Variants in HSD17B11 observed in about 807,000 individuals in gnomAD.
The protein encoded by HSD17B11 is hydroxysteroid 17-beta dehydrogenase 11.
A neutral mutation model predicts 27.8 loss-of-function variants in HSD17B11; 22 were observed. The ratio of observed to expected loss-of-function variants is 0.79; its 90% CI spans 0.56 to 1.13. The LOEUF (loss-of-function observed/expected upper bound fraction) is 1.13. Ranked by LOEUF, HSD17B11 falls within the 50% of genes most tolerant of loss-of-function variation. The pLI, the probability that HSD17B11 is intolerant of heterozygous loss-of-function variation, is 0.00. For missense variants in HSD17B11, 314 were observed against 351.1 expected (o/e 0.89, Z 0.84); for synonymous variants, 117 against 132.8 (o/e 0.88, Z 0.82).
intron 4 of HSD17B11, among the ~76,000 whole-genome samples, chr4:87,371,454 A>C (rs189196461): frequency 6.6e-5 from 10 of 152,310 alleles, no homozygotes; most frequent in Admixed American, 2.6e-4. Flanking sequence ...AAGGGTTCCA[A>C]GAGTGGGTTC....
chr4:87,380,630 A>AGCAGATCACGAGGTC (rs1423669999), intron 2 of HSD17B11, among the ~76,000 whole-genome samples: 1 of 143,974 alleles, frequency 6.9e-6, no homozygotes, highest in Non-Finnish European at 1.5e-5. Context: ...AGGCCGAGGG[A>AGCAGATCACGAGGTC]GCAGATCACG....
intron 6 of HSD17B11, among the ~76,000 whole-genome samples, chr4:87,338,468 A>G (rs1007514139): frequency 1.3e-5 from 2 of 152,228 alleles, no homozygotes; most frequent in African/African-American, 4.8e-5. Flanking sequence ...TAATAATAAT[A>G]GTAGTAGTTA....
In HSD17B11 at chr4:87,377,693, T is replaced by C. The variant is rs186201470; in HGVS notation, c.319-2863A>G. On this transcript the variant is annotated intron_variant, in intron 2 of 6. Transcript: ENST00000358290. Reference sequence around the variant, plus strand: ...ATGGTTCCATAAGCAACTAAGATGCTTGGGCGGATAGACCCTAGCGTCCTA... The same window carrying C: ...ATGGTTCCATAAGCAACTAAGATGCCTGGGCGGATAGACCCTAGCGTCCTA... Among the ~76,000 whole-genome samples, 18 of 152,256 alleles carry C rather than the reference T, an allele frequency of 1.2e-4. No individual in the cohort carries two copies. The East Asian group carries it at 3.3e-3, about 28-fold the overall frequency.
chr4:87,341,765 CTGAGGCTAGAGGATCCTT>C (rs898917666), intron 5 of HSD17B11, among the ~76,000 whole-genome samples: 6 of 152,058 alleles, frequency 3.9e-5, no homozygotes, highest in Non-Finnish European at 5.9e-5. Context: ...ACTCAGGAGG[CTGAGGCTAGAGGATCCTT>C]TGAGCCTGGG....
rs1223204634 is a variant in HSD17B11 at position 87,359,943 on chromosome 4, T to A, written c.558-2527A>T. Among the ~76,000 whole-genome samples the A allele has an allele frequency of 2.0e-5, 3 of 152,172 alleles. No homozygotes were observed. In the East Asian group the frequency reaches 5.8e-4, roughly 29 times the overall value. On this transcript the variant is annotated intron_variant, in intron 4 of 6. Transcript: ENST00000358290. ...AAGGATAAGGTTAATATATGGCAAC[T>A]TTTATAAAGGAATAAGACAATACTC...
At position 87,348,724 on chromosome 4, in the gene HSD17B11, C is replaced by T. The variant is rs1417129255; in HGVS notation, c.696-8118G>A. Among the ~76,000 whole-genome samples, 60 of 8,832 alleles carry T rather than the reference C, an allele frequency of 6.8e-3. 16 individuals carry two copies. Among genetic ancestry groups the T allele is most frequent in the Middle Eastern group, 0.045 (1 of 22 alleles). The allele number at this position is 8,832 out of a possible 152,430, so 5.8% of individuals were successfully genotyped here. ...CTGTAAATTACCTTGGGCAGTATGG[C>T]CATTTTCACGATATTGATTCTTCCT... On this transcript the variant is annotated intron_variant, in intron 5 of 6. Transcript: ENST00000358290.
intron 5 of HSD17B11, among the ~76,000 whole-genome samples, chr4:87,341,551 C>T (rs998814523): frequency 6.6e-6 from 1 of 152,100 alleles, no homozygotes; most frequent in African/African-American, 2.4e-5. Context: ...TAGCAGGTGG[C>T]CCCCAAAAAG....
At chr4:87,341,857 C>A (rs1489490869) in intron 5 of HSD17B11, among the ~76,000 whole-genome samples, 3 of 150,538 alleles carry the variant, frequency 2.0e-5, no homozygotes, top group Non-Finnish European at 4.4e-5. Context: ...CAGAGCTAGA[C>A]CCTGTCTCTA....
intron 5 of HSD17B11, among the ~76,000 whole-genome samples, chr4:87,347,116 C>CTTTTTTT (rs70957224): frequency 6.8e-4 from 30 of 44,318 alleles, no homozygotes; most frequent in African/African-American, 1.1e-3. Flanking sequence ...TTTTTTTTTT[C>CTTTTTTT]TTTTTTTTTT....
intron 2 of HSD17B11, among the ~76,000 whole-genome samples, chr4:87,381,388 C>T (rs773672853): frequency 1.3e-5 from 2 of 152,018 alleles, no homozygotes; most frequent in Non-Finnish European, 2.9e-5. Flanking sequence ...CAGGTACAAG[C>T]GAGAATGCGT....
chr4:87,367,804 T>C (rs951150454), intron 4 of HSD17B11, among the ~76,000 whole-genome samples: 5 of 152,214 alleles, frequency 3.3e-5, no homozygotes, highest in Non-Finnish European at 2.9e-5. Flanking sequence ...TCTAGGCACA[T>C]TGCAATCAGC....
At chr4:87,340,305 T>C (rs1359739976) in intron 6 of HSD17B11, 185 bp downstream of exon 6, 2 of 367,616 alleles carry the variant, frequency 5.4e-6, no homozygotes, top group Non-Finnish European at 9.8e-6. Context: ...TGTGTGGAAA[T>C]TACTCGGTTC....
chr4:87,385,487 T>A (rs1408640348), intron 1 of HSD17B11, among the ~76,000 whole-genome samples: 7 of 152,130 alleles, frequency 4.6e-5, no homozygotes, highest in African/African-American at 1.7e-4. Flanking sequence ...AGATGAAAAA[T>A]TTCTGGAGAG....
At position 87,391,073 on chromosome 4, in the gene HSD17B11, C is replaced by G; in HGVS notation, c.-3G>C. On this transcript the variant is annotated 5_prime_UTR_variant, in exon 1 of 7. Transcript: ENST00000358290. ...AGGATGTCCAGAAGAAATTTCATCC[C>G]TTTTGTGGCTGCGAGCGTTTGGTGT... The G allele has an allele frequency of 6.2e-7, 1 of 1,602,556 alleles. No individual in the cohort carries two copies. The highest frequency in any genetic ancestry group is 8.5e-7 in the Non-Finnish European group (1 of 1,175,860).
intron 4 of HSD17B11, among the ~76,000 whole-genome samples, chr4:87,358,964 C>T (rs570766922): frequency 1.8e-4 from 28 of 152,114 alleles, no homozygotes; most frequent in African/African-American, 6.5e-4. Context: ...GGCAGTTTTC[C>T]CCATGCTGTT....
In HSD17B11 at chr4:87,341,860, T is replaced by C. The variant is rs1315095717; in HGVS notation, c.696-1254A>G. 2.0e-5 allele frequency among the ~76,000 whole-genome samples: 3 copies of C among 149,784 alleles called. No homozygotes were observed. The East Asian group carries it at 6.4e-4, about 32-fold the overall frequency. ...CAGCCTGGACAACAGAGCTAGACCCTGTCTCTAAATAAATAAATAGATAGA... is the reference window on the plus strand; with the variant it reads ...CAGCCTGGACAACAGAGCTAGACCCCGTCTCTAAATAAATAAATAGATAGA... On this transcript the variant is annotated intron_variant, in intron 5 of 6. Coordinates refer to ENST00000358290, the MANE Select transcript of HSD17B11 (RefSeq NM_016245.5).
chr4:87,361,664 G>A (rs1578038721), intron 4 of HSD17B11, among the ~76,000 whole-genome samples: 1 of 152,324 alleles, frequency 6.6e-6, no homozygotes, highest in East Asian at 1.9e-4. Context: ...CTACTAGGGA[G>A]GCTGAGGCAG....
chr4:87,389,449 C>A (rs1409731157), intron 1 of HSD17B11, among the ~76,000 whole-genome samples: 2 of 152,146 alleles, frequency 1.3e-5, no homozygotes. Flanking sequence ...GTCTTGAACT[C>A]CTGACCTCAG....
intron 4 of HSD17B11, among the ~76,000 whole-genome samples, chr4:87,362,129 T>C (rs1351141345): frequency 6.6e-6 from 1 of 152,226 alleles, no homozygotes; most frequent in East Asian, 1.9e-4. Context: ...GAGTCTCTCC[T>C]AAGACAGAGT....
Sources: gnomAD v4.1 joint callset for allele counts (sites outside exome capture counted in the v4.1 genomes callset) on GRCh38, gnomAD v4.1.1 for gene constraint, MANE v1.5 for transcripts, NCBI Gene and HGNC (gene_info 2026-07-23, HGNC 2026-07-21) for gene names.